The following SUGCT variants were observed in gnomAD, a reference collection of about 807,000 sequenced individuals.
SUGCT encodes the protein succinyl-CoA:glutarate CoA-transferase.
Under a neutral mutation model 55.0 loss-of-function variants are expected in SUGCT, and 41 were observed. The observed-to-expected ratio is 0.74, with a 90% confidence interval of 0.58 to 0.97. The LOEUF (loss-of-function observed/expected upper bound fraction) is 0.97. Among genes scored for constraint, SUGCT ranks in the 50% least tolerant of loss-of-function variants. SUGCT has a pLI of 0.00. For missense variants in SUGCT, 568 were observed against 547.8 expected (o/e 1.04, Z -0.37); for synonymous variants, 187 against 200.4 (o/e 0.93, Z 0.56).
chr7:40,874,165 C>T, the SUGCT span, among the ~76,000 whole-genome samples: 1 of 152,204 alleles, frequency 6.6e-6, no homozygotes, highest in African/African-American at 2.4e-5. Flanking sequence ...CAGATGATAG[C>T]TGGGGACCTT....
rs552036069 is a variant in SUGCT at position 40,287,905 on chromosome 7, C to T, written c.720+13249C>T. ...ATTTTGGTAAATGCTATTTCTCTGA[C>T]TATTGACATGATGATTTGTTTTGTG... On this transcript the variant is annotated intron_variant, in intron 8 of 13. Transcript: ENST00000335693. Among the ~76,000 whole-genome samples the T allele has an allele frequency of 3.3e-5, 5 of 152,262 alleles. No homozygotes were observed. The East Asian group carries it at 9.7e-4, about 29-fold the overall frequency.
At chr7:40,397,164 T>C (rs10250287) in intron 9 of SUGCT, among the ~76,000 whole-genome samples, 87,345 of 152,010 alleles carry the variant, frequency 0.57, 25,319 homozygotes, top group South Asian at 0.66. Flanking sequence ...TTCTGTGATG[T>C]GTACATTATG....
chr7:40,579,045 G>A (rs1796932550), intron 12 of SUGCT, among the ~76,000 whole-genome samples: 1 of 151,974 alleles, frequency 6.6e-6, no homozygotes, highest in South Asian at 2.1e-4. Flanking sequence ...GTACAATAAT[G>A]AACAACAACA....
chr7:40,687,712 T>TGA (rs1784526868), intron 12 of SUGCT, among the ~76,000 whole-genome samples: 1 of 152,190 alleles, frequency 6.6e-6, no homozygotes, highest in Non-Finnish European at 1.5e-5. Context: ...CAGATCTCAG[T>TGA]TCCTCAGTAA....
At chr7:40,851,876 G>T (rs1793870710) in intron 13 of SUGCT, among the ~76,000 whole-genome samples, 1 of 152,034 alleles carries the variant, frequency 6.6e-6, no homozygotes, top group African/African-American at 2.4e-5. Context: ...ATGTATTTTG[G>T]TAGAGACCTT....
At chr7:40,231,127 A>T (rs73314845) in intron 6 of SUGCT, among the ~76,000 whole-genome samples, 3,409 of 152,306 alleles carry the variant, frequency 0.022, 117 homozygotes, top group African/African-American at 0.078. Flanking sequence ...GAATGCCAAC[A>T]GTTGAACCTC....
chr7:40,167,431 G>T (rs1168370408), intron 1 of SUGCT, among the ~76,000 whole-genome samples: 1 of 152,172 alleles, frequency 6.6e-6, no homozygotes, highest in Non-Finnish European at 1.5e-5. Context: ...GATTGTGGAG[G>T]TGATTTTGTT....
intron 13 of SUGCT, among the ~76,000 whole-genome samples, chr7:40,803,085 A>G (rs1383860680): frequency 6.6e-6 from 1 of 152,216 alleles, no homozygotes; most frequent in Non-Finnish European, 1.5e-5. Context: ...AATGGAAAAT[A>G]ATAACACCAA....
intron 9 of SUGCT, among the ~76,000 whole-genome samples, chr7:40,431,672 A>G (rs1172375513): frequency 6.6e-6 from 1 of 152,002 alleles, no homozygotes; most frequent in Non-Finnish European, 1.5e-5. Context: ...ATTTATTCCT[A>G]AGTATTTTGT....
chr7:40,502,240 T>C (rs1255967117), intron 12 of SUGCT, among the ~76,000 whole-genome samples: 2 of 152,150 alleles, frequency 1.3e-5, no homozygotes, highest in East Asian at 1.9e-4. Context: ...TGGAAATATA[T>C]AGTACAATCA....
intron 13 of SUGCT, among the ~76,000 whole-genome samples, chr7:40,800,675 A>G (rs150732219): frequency 1.1e-3 from 165 of 152,268 alleles, no homozygotes; most frequent in African/African-American, 3.9e-3. Context: ...CACTTACTGT[A>G]GACTCAAGTT....
intron 9 of SUGCT, among the ~76,000 whole-genome samples, chr7:40,409,153 C>T (rs920592687): frequency 1.3e-5 from 2 of 152,128 alleles, no homozygotes; most frequent in African/African-American, 4.8e-5. Flanking sequence ...TGGGGTTTTA[C>T]CATGATGCCC....
the SUGCT span, among the ~76,000 whole-genome samples, chr7:40,909,848 C>T: frequency 5.4e-4 from 82 of 152,112 alleles, no homozygotes; most frequent in Non-Finnish European, 1.5e-4. Flanking sequence ...TACTGAGTGG[C>T]GGCTTTTAGA....
chr7:40,271,718 G>A (rs1172082017), intron 7 of SUGCT, among the ~76,000 whole-genome samples: 2 of 151,946 alleles, frequency 1.3e-5, no homozygotes, highest in Non-Finnish European at 2.9e-5. Flanking sequence ...ATTTTGAAAT[G>A]TACAGCCTTT....
intron 12 of SUGCT, among the ~76,000 whole-genome samples, chr7:40,736,931 G>T (rs1038781917): frequency 2.0e-5 from 3 of 152,038 alleles, no homozygotes; most frequent in African/African-American, 7.2e-5. Context: ...AAAAAATGGG[G>T]ATCAAAAATT....
intron 10 of SUGCT, among the ~76,000 whole-genome samples, chr7:40,455,086 T>C (rs1457480118): frequency 3.3e-5 from 5 of 152,050 alleles, no homozygotes; most frequent in Non-Finnish European, 7.4e-5. Flanking sequence ...CAACATAAAA[T>C]GGGGAGAGTA....
intron 13 of SUGCT, among the ~76,000 whole-genome samples, chr7:40,823,688 TCTTC>T (rs1002716912): frequency 3.3e-5 from 5 of 152,134 alleles, no homozygotes; most frequent in African/African-American, 1.2e-4. Context: ...TTTCCTTTCC[TCTTC>T]CTTCTCCTTT....
At chr7:40,493,605 A>G (rs528323407) in intron 11 of SUGCT, among the ~76,000 whole-genome samples, 1 of 152,332 alleles carries the variant, frequency 6.6e-6, no homozygotes, top group South Asian at 2.1e-4. Context: ...ATATGTGTTG[A>G]TTTAGTAAGT....
At chr7:40,268,398 A>G (rs1562629874) in intron 7 of SUGCT, among the ~76,000 whole-genome samples, 1 of 152,188 alleles carries the variant, frequency 6.6e-6, no homozygotes. Context: ...AATATTTGTT[A>G]AAGTGCTTCC....
Sources: allele counts gnomAD v4.1 joint callset (sites outside exome capture counted in the v4.1 genomes callset), GRCh38; gene constraint gnomAD v4.1.1; transcripts MANE v1.5; gene names NCBI Gene and HGNC (gene_info 2026-07-23, HGNC 2026-07-21).